Variants in CLVS1 observed in about 807,000 individuals in gnomAD.
CLVS1 encodes the protein clavesin 1, also known as clavesin-1.
A neutral mutation model predicts 33.1 loss-of-function variants in CLVS1; 10 were observed. That is an observed-to-expected ratio of 0.30 (90% confidence interval 0.19 to 0.51). CLVS1 has a LOEUF of 0.51. Among genes scored for constraint, CLVS1 ranks in the 20% least tolerant of loss-of-function variants. CLVS1 has a pLI of 0.97. For missense variants in CLVS1, 343 were observed against 433.4 expected (o/e 0.79, Z 1.85); for synonymous variants, 163 against 166.1 (o/e 0.98, Z 0.14).
At chr8:61,293,483 A>G (rs1241673829) in intron 1 of CLVS1, among the ~76,000 whole-genome samples, 1 of 152,200 alleles carries the variant, frequency 6.6e-6, no homozygotes, top group African/African-American at 2.4e-5. Context: ...AGATTTAAAT[A>G]TAGGCTAAAT....
chr8:61,250,884 C>G (rs1007071988), intron 2 of CLVS1, among the ~76,000 whole-genome samples: 3 of 152,120 alleles, frequency 2.0e-5, no homozygotes, highest in African/African-American at 7.2e-5. Flanking sequence ...GTCTTCCTCT[C>G]TTCCTGTTTG....
At chr8:61,456,917 CAA>C (rs764079859) in intron 4 of CLVS1, among the ~76,000 whole-genome samples, 10 of 124,226 alleles carry the variant, frequency 8.0e-5, no homozygotes, top group African/African-American at 6.1e-5. Flanking sequence ...GACTCCGTCT[CAA>C]AAAAAAAAAA....
intron 1 of CLVS1, among the ~76,000 whole-genome samples, chr8:61,082,997 A>AG (rs931241805): frequency 4.9e-4 from 67 of 136,420 alleles, no homozygotes; most frequent in African/African-American, 1.8e-3. Flanking sequence ...ACATAAAAAA[A>AG]AAGAAGAAGA....
chr8:61,172,688 C>T (rs1032155568), intron 2 of CLVS1, among the ~76,000 whole-genome samples: 17 of 152,096 alleles, frequency 1.1e-4, no homozygotes, highest in Non-Finnish European at 1.5e-5. Context: ...TGTGCAATGT[C>T]TCAACACAAT....
At chr8:61,254,553 T>C (rs112448933) in intron 2 of CLVS1, among the ~76,000 whole-genome samples, 4,150 of 152,326 alleles carry the variant, frequency 0.027, 69 homozygotes, top group Non-Finnish European at 0.036. Context: ...CTTCTTGAGC[T>C]GTGGTGGGCT....
chr8:61,088,545 T>C (rs887277348), intron 1 of CLVS1, among the ~76,000 whole-genome samples: 4 of 151,490 alleles, frequency 2.6e-5, no homozygotes, highest in Non-Finnish European at 5.9e-5. Flanking sequence ...AATAGATACT[T>C]GGATTACTGG....
At chr8:61,430,891 T>C (rs752179864) in intron 3 of CLVS1, among the ~76,000 whole-genome samples, 6 of 152,148 alleles carry the variant, frequency 3.9e-5, no homozygotes, top group Non-Finnish European at 7.3e-5. Flanking sequence ...AAGAAATCAG[T>C]GGGCTTCTCT....
chr8:61,043,205 C>T, the CLVS1 span, among the ~76,000 whole-genome samples: 1 of 152,204 alleles, frequency 6.6e-6, no homozygotes, highest in Non-Finnish European at 1.5e-5. Flanking sequence ...TAGGTAAGAA[C>T]ATACTTACCT....
At chr8:61,237,978 G>A (rs1021270408) in intron 2 of CLVS1, among the ~76,000 whole-genome samples, 3 of 152,150 alleles carry the variant, frequency 2.0e-5, no homozygotes, top group Non-Finnish European at 4.4e-5. Context: ...CATCCAAGCC[G>A]AGGCTGAATT....
At chr8:61,310,303 C>T (rs187837710) in intron 2 of CLVS1, among the ~76,000 whole-genome samples, 14 of 152,288 alleles carry the variant, frequency 9.2e-5, no homozygotes, top group East Asian at 5.8e-4. Context: ...AATGCTCTTA[C>T]GTAAGCACTA....
chr8:61,437,978 C>T (rs575230485), intron 3 of CLVS1, among the ~76,000 whole-genome samples: 20 of 152,264 alleles, frequency 1.3e-4, no homozygotes, highest in Non-Finnish European at 2.4e-4. Context: ...AAATTCCACT[C>T]GGCCTCTGAA....
At chr8:61,396,378 T>C (rs928449779) in intron 3 of CLVS1, among the ~76,000 whole-genome samples, 4 of 152,152 alleles carry the variant, frequency 2.6e-5, no homozygotes, top group Non-Finnish European at 5.9e-5. Flanking sequence ...TTTTTCAAAA[T>C]TCCAAAAACT....
At chr8:61,291,473 T>C (rs1395338157) in intron 1 of CLVS1, among the ~76,000 whole-genome samples, 1 of 152,236 alleles carries the variant, frequency 6.6e-6, no homozygotes, top group Non-Finnish European at 1.5e-5. Flanking sequence ...GTGTGTCATT[T>C]ACATAGCTTA....
intron 1 of CLVS1, among the ~76,000 whole-genome samples, chr8:61,291,549 A>G (rs1429677654): frequency 6.6e-6 from 1 of 152,202 alleles, no homozygotes; most frequent in Non-Finnish European, 1.5e-5. Context: ...TGGGAATAGC[A>G]TGTTGTAGGG....
chr8:61,242,859 TTTC>T (rs1808723796), intron 2 of CLVS1, among the ~76,000 whole-genome samples: 1 of 152,204 alleles, frequency 6.6e-6, no homozygotes, highest in Non-Finnish European at 1.5e-5. Context: ...TGACCTTTCC[TTTC>T]TTTCATTGTG....
chr8:61,169,406 G>C (rs1486105962), intron 2 of CLVS1, among the ~76,000 whole-genome samples: 3 of 151,938 alleles, frequency 2.0e-5, no homozygotes, highest in African/African-American at 7.3e-5. Flanking sequence ...TGTCTTAAAA[G>C]CCCCTCCCTA....
chr8:61,055,167 C>T (rs12548255), upstream of CLVS1, among the ~76,000 whole-genome samples: 71,993 of 152,010 alleles, frequency 0.47, 17,653 homozygotes, highest in African/African-American at 0.6. Flanking sequence ...GAAGCTAAAA[C>T]GAAATTTACT....
intron 3 of CLVS1, among the ~76,000 whole-genome samples, chr8:61,402,157 C>G (rs1814794836): frequency 6.6e-6 from 1 of 151,958 alleles, no homozygotes; most frequent in African/African-American, 2.4e-5. Context: ...AATACTGACA[C>G]AATTCTAAAA....
At position 61,500,207 on chromosome 8, in the gene CLVS1, A is replaced by C. The variant is rs1241287911; in HGVS notation, c.*665A>C. The C allele has an allele frequency of 6.6e-6, 1 of 152,526 alleles. No homozygotes were observed. Among genetic ancestry groups the C allele is most frequent in the African/African-American group, 2.4e-5 (1 of 41,474 alleles). 9.4% of individuals were successfully genotyped at this position (152,526 alleles called of 1,614,324 possible). On this transcript the variant is annotated 3_prime_UTR_variant, in exon 6 of 6. Transcript: ENST00000325897. ...GCTGACTGTCATGAGCTGACGTTAA[A>C]GGAAGACACATGGACGTGAAATACG... is the stretch of plus-strand genomic sequence containing the variant.
Sources: gnomAD v4.1 joint callset for allele counts (sites outside exome capture counted in the v4.1 genomes callset) on GRCh38, gnomAD v4.1.1 for gene constraint, MANE v1.5 for transcripts, NCBI Gene and HGNC (gene_info 2026-07-23, HGNC 2026-07-21) for gene names.